The following YAP1 variants were observed in gnomAD, a reference collection of about 807,000 sequenced individuals.
The protein encoded by YAP1 is Yes1 associated transcriptional regulator.
In YAP1, 5 loss-of-function variants were observed where a neutral mutation model predicts 56.9. That is an observed-to-expected ratio of 0.09 (90% confidence interval 0.05 to 0.18). The LOEUF (loss-of-function observed/expected upper bound fraction) is 0.18. YAP1 is among the 10% of genes least tolerant of loss of function. The pLI is 1.00. For synonymous variants in YAP1, 265 were observed against 248.1 expected (o/e 1.07, Z -0.64); for missense variants, 539 against 651.8 (o/e 0.83, Z 1.88).
chr11:102,214,821 T>C (rs1433135080), intron 6 of YAP1, among the ~76,000 whole-genome samples: 1 of 152,178 alleles, frequency 6.6e-6, no homozygotes, highest in African/African-American at 2.4e-5. Flanking sequence ...GAGACCATGA[T>C]TGAGTAATAC....
At chr11:102,179,252 G>C (rs768267392) in intron 3 of YAP1, among the ~76,000 whole-genome samples, 9 of 152,082 alleles carry the variant, frequency 5.9e-5, no homozygotes, top group Non-Finnish European at 1.2e-4. Flanking sequence ...GGTATTGGTG[G>C]TCAGGCATGA....
chr11:102,183,702 C>CTGTGTGTGTGTGTGTG (rs140546191), intron 3 of YAP1, among the ~76,000 whole-genome samples: 1,975 of 141,756 alleles, frequency 0.014, 22 homozygotes, highest in Non-Finnish European at 0.02. Flanking sequence ...AATGCTGTTT[C>CTGTGTGTGTGTGTGTG]TGTGTGTGTG....
chr11:102,133,779 G>A (rs1459290113), intron 2 of YAP1, among the ~76,000 whole-genome samples: 1 of 152,112 alleles, frequency 6.6e-6, no homozygotes, highest in Non-Finnish European at 1.5e-5. Context: ...AGTTATCTTA[G>A]TCAGCTTGGG....
intron 4 of YAP1, among the ~76,000 whole-genome samples, chr11:102,188,545 A>G (rs1216775319): frequency 6.6e-6 from 1 of 152,220 alleles, no homozygotes; most frequent in Non-Finnish European, 1.5e-5. Flanking sequence ...TCGTGGTCCT[A>G]TATGATTCTA....
rs1198964062 is a variant in YAP1, at chr11:102,198,443, ATAACT to A, written c.803-7446_803-7442del. Among the ~76,000 whole-genome samples, 8 of 152,356 alleles carry A rather than the reference ATAACT, an allele frequency of 5.3e-5. No homozygotes were observed. In the East Asian group the frequency reaches 5.8e-4, roughly 11 times the overall value. ...ACCAAGAATGTATGTTATTTCATAAATAACTTAATGTTATGTTACATAATGAAAAT... is the reference window on the plus strand; with the variant it reads ...ACCAAGAATGTATGTTATTTCATAAATAATGTTATGTTACATAATGAAAAT... On this transcript the variant is annotated intron_variant, in intron 4 of 8. Coordinates refer to ENST00000282441, the MANE Select transcript of YAP1 (RefSeq NM_001130145.3).
chr11:102,174,413 A>C (rs562823520), intron 3 of YAP1, among the ~76,000 whole-genome samples: 2 of 152,092 alleles, frequency 1.3e-5, no homozygotes, highest in African/African-American at 4.8e-5. Flanking sequence ...CCTGGCCAAC[A>C]TGGTGAAACC....
chr11:102,195,710 G>A (rs1411325263), intron 4 of YAP1, among the ~76,000 whole-genome samples: 1 of 152,154 alleles, frequency 6.6e-6, no homozygotes, highest in Non-Finnish European at 1.5e-5. Context: ...TTCCCCTTTT[G>A]CAATGATTGT....
In YAP1 at chr11:102,227,457, A is replaced by C. The variant is rs555181181; in HGVS notation, c.1164-12A>C. 15 of 1,598,824 alleles carry C rather than the reference A, an allele frequency of 9.4e-6. No individual in the cohort carries two copies. The East Asian group carries it at 2.5e-4, about 26-fold the overall frequency. ...TTTTTTGTGTTGGTCTTTAACTGTC[A>C]TGTTTATGTAGTGGCACCTATCACT... On this transcript the variant is annotated splice_polypyrimidine_tract_variant and intron_variant, in intron 7 of 8. Transcript: ENST00000282441.
chr11:102,207,461 G>A (rs187292016), intron 5 of YAP1, among the ~76,000 whole-genome samples: 2 of 152,086 alleles, frequency 1.3e-5, no homozygotes, highest in Admixed American at 1.3e-4. Context: ...GGAGGCCGAG[G>A]CAGGAGGTTT....
At chr11:102,224,957 T>A (rs1048842808) in intron 7 of YAP1, among the ~76,000 whole-genome samples, 10 of 152,202 alleles carry the variant, frequency 6.6e-5, no homozygotes, top group Non-Finnish European at 1.2e-4. Flanking sequence ...TAGACCATTT[T>A]AAAAATGGAT....
chr11:102,138,121 G>A (rs1433755830), intron 2 of YAP1, among the ~76,000 whole-genome samples: 5 of 152,098 alleles, frequency 3.3e-5, no homozygotes, highest in South Asian at 2.1e-4. Context: ...TCCTGACCCT[G>A]TGATCCGCCT....
chr11:102,147,933 G>T lies in YAP1; in HGVS notation c.573-14523G>T, dbSNP rs533703303. 4.6e-5 allele frequency among the ~76,000 whole-genome samples: 7 copies of T among 152,240 alleles called. No homozygotes were observed. The South Asian group carries it at 1.5e-3, about 32-fold the overall frequency. Reference sequence around the variant, plus strand: ...ATATTAGAATGATAGTCATGTGAAAGGAGAAGAAAATGTCTACTATGTAGA... The same window carrying T: ...ATATTAGAATGATAGTCATGTGAAATGAGAAGAAAATGTCTACTATGTAGA... On this transcript the variant is annotated intron_variant, in intron 2 of 8. Transcript: ENST00000282441.
At chr11:102,195,409 C>A (rs1268447564) in intron 4 of YAP1, among the ~76,000 whole-genome samples, 1 of 152,100 alleles carries the variant, frequency 6.6e-6, no homozygotes, top group Non-Finnish European at 1.5e-5. Flanking sequence ...TATTTTTGAA[C>A]AGCTAAAGAT....
intron 6 of YAP1, among the ~76,000 whole-genome samples, chr11:102,221,596 C>A (rs149068390): frequency 1.3e-5 from 2 of 151,816 alleles, no homozygotes; most frequent in African/African-American, 4.8e-5. Flanking sequence ...GGTGGTGTGC[C>A]TCTGTGGCTG....
intron 3 of YAP1, among the ~76,000 whole-genome samples, chr11:102,179,011 G>A (rs1462405007): frequency 6.6e-6 from 1 of 152,102 alleles, no homozygotes; most frequent in African/African-American, 2.4e-5. Flanking sequence ...TTATGACCAA[G>A]GGGATGGTGC....
intron 4 of YAP1, among the ~76,000 whole-genome samples, chr11:102,200,477 A>G (rs1948794647): frequency 6.8e-6 from 1 of 146,324 alleles, no homozygotes; most frequent in Admixed American, 6.9e-5. Context: ...AGAGTCTTGC[A>G]CTTTTTGCCC....
At chr11:102,183,035 T>C (rs551161188) in intron 3 of YAP1, among the ~76,000 whole-genome samples, 150 of 152,318 alleles carry the variant, frequency 9.8e-4, no homozygotes, top group Non-Finnish European at 1.4e-3. Context: ...TACAAGCTTG[T>C]AAAGAAGAAT....
chr11:102,162,656 T>C, intron 3 of YAP1, 85 bp downstream of exon 3: 12 of 1,294,628 alleles, frequency 9.3e-6, no homozygotes, highest in Non-Finnish European at 1.2e-5. Flanking sequence ...ATTACTCGTT[T>C]ACAGAAACTG....
At chr11:102,133,747 A>T (rs1022388623) in intron 2 of YAP1, among the ~76,000 whole-genome samples, 1 of 152,220 alleles carries the variant, frequency 6.6e-6, no homozygotes, top group Admixed American at 6.5e-5. Context: ...AGGAAGCCAC[A>T]TGGAGGTCAT....
Sources: gnomAD v4.1 joint callset for allele counts (sites outside exome capture counted in the v4.1 genomes callset) on GRCh38, gnomAD v4.1.1 for gene constraint, MANE v1.5 for transcripts, NCBI Gene and HGNC (gene_info 2026-07-23, HGNC 2026-07-21) for gene names.